Variants in OR56A3 observed in about 807,000 individuals in gnomAD.
The protein encoded by OR56A3 is olfactory receptor 56A3.
A neutral mutation model predicts 17.5 loss-of-function variants in OR56A3; 23 were observed. The observed-to-expected ratio is 1.32, with a 90% CI of 0.95 to 1.87. OR56A3 has a LOEUF of 1.87. OR56A3 is among the 40% of genes most tolerant of loss of function. The pLI, the probability that OR56A3 is intolerant of heterozygous loss-of-function variation, is 0.00. For synonymous variants in OR56A3, 175 were observed against 150.6 expected, an observed-to-expected ratio of 1.16 and a Z score of -1.19; for missense variants, 366 against 380.1, an observed-to-expected ratio of 0.96 and a Z score of 0.31.
At chr11:5,962,915 T>C in the OR56A3 span, among the ~76,000 whole-genome samples, 1 of 152,290 alleles carries the variant, frequency 6.6e-6, no homozygotes, top group South Asian at 2.1e-4. Flanking sequence ...TATTTCTTCA[T>C]AGGTTCCTGT....
At chr11:5,986,892 T>C in the OR56A3 span, 100 of 1,613,534 alleles carry the variant, frequency 6.2e-5, no homozygotes, top group Non-Finnish European at 7.5e-5. Context: ...GCATTATCAA[T>C]GGCTTGGAGA....
At chr11:6,015,774 AC>A in the OR56A3 span, among the ~76,000 whole-genome samples, 2 of 151,948 alleles carry the variant, frequency 1.3e-5, no homozygotes, top group Non-Finnish European at 2.9e-5. Context: ...TACTGCCTGT[AC>A]CCCCGTTGTA....
At chr11:5,945,485 G>A (rs1177218894) in intron 2 of OR56A3, among the ~76,000 whole-genome samples, 1 of 151,760 alleles carries the variant, frequency 6.6e-6, no homozygotes, top group Non-Finnish European at 1.5e-5. Flanking sequence ...TGGAGGCTGA[G>A]GCGGGAGAAT....
At position 5,947,335 on chromosome 11, in the gene OR56A3, A is replaced by G. The variant is rs756483348; in HGVS notation, c.-12A>G. On this transcript the variant is annotated 5_prime_UTR_variant, in exon 3 of 3. The change creates a new upstream start codon in the 5' untranslated region. Coordinates refer to ENST00000641160, the MANE Select transcript of OR56A3 (RefSeq NM_001003443.3). ...GATCACTGAAAGAAAGCAGTAAAATATATGGGAAAATATGACAACACACCG... is the reference window on the plus strand; with the variant it reads ...GATCACTGAAAGAAAGCAGTAAAATGTATGGGAAAATATGACAACACACCG... The G allele has an allele frequency of 1.2e-5, 19 of 1,567,340 alleles. No individual in the cohort carries two copies. Among genetic ancestry groups the G allele is most frequent in the Non-Finnish European group, 1.5e-5 (17 of 1,154,618 alleles).
At chr11:5,969,213 T>G in the OR56A3 span, among the ~76,000 whole-genome samples, 2 of 152,244 alleles carry the variant, frequency 1.3e-5, no homozygotes, top group Non-Finnish European at 2.9e-5. Context: ...TTATGCTGTT[T>G]TCATTAACAT....
At chr11:5,974,940 A>C in the OR56A3 span, among the ~76,000 whole-genome samples, 1 of 152,182 alleles carries the variant, frequency 6.6e-6, no homozygotes, top group Non-Finnish European at 1.5e-5. Context: ...TATGAAACTG[A>C]TTGATTTCTT....
the OR56A3 span, among the ~76,000 whole-genome samples, chr11:5,993,221 A>ATG: frequency 3.3e-5 from 5 of 152,214 alleles, no homozygotes; most frequent in Admixed American, 2.0e-4. Context: ...GAACTGGAGC[A>ATG]TGCTGGGTCT....
chr11:5,982,215 C>T, the OR56A3 span, among the ~76,000 whole-genome samples: 1 of 152,116 alleles, frequency 6.6e-6, no homozygotes, highest in African/African-American at 2.4e-5. Flanking sequence ...AGTGCAATGA[C>T]AGTGGTAGTT....
chr11:5,996,926 G>T, the OR56A3 span, among the ~76,000 whole-genome samples: 1 of 152,228 alleles, frequency 6.6e-6, no homozygotes, highest in South Asian at 2.1e-4. Flanking sequence ...GCAGGAAAGA[G>T]CACTGAGAGC....
the OR56A3 span, chr11:6,000,837 G>A: frequency 2.6e-5 from 4 of 152,268 alleles, no homozygotes; most frequent in South Asian, 8.3e-4. Flanking sequence ...AATATAGCAG[G>A]TCTGTAATAA....
chr11:5,956,188 G>A (rs1419747874), downstream of OR56A3, among the ~76,000 whole-genome samples: 1 of 152,192 alleles, frequency 6.6e-6, no homozygotes, highest in Non-Finnish European at 1.5e-5. Context: ...TGTATTTGAT[G>A]AATCCAATTT....
the OR56A3 span, among the ~76,000 whole-genome samples, chr11:6,008,466 C>G: frequency 3.3e-5 from 5 of 151,992 alleles, no homozygotes; most frequent in African/African-American, 1.2e-4. Flanking sequence ...ATATTCTTAT[C>G]CTCAGAATTT....
the OR56A3 span, among the ~76,000 whole-genome samples, chr11:6,018,446 CATT>C: frequency 5.3e-5 from 8 of 151,938 alleles, no homozygotes; most frequent in Non-Finnish European, 8.8e-5. Context: ...CCTAAATGAT[CATT>C]GAGTTAATGA....
the OR56A3 span, among the ~76,000 whole-genome samples, chr11:6,015,607 G>A: frequency 6.6e-5 from 10 of 152,246 alleles, no homozygotes; most frequent in African/African-American, 2.4e-4. Context: ...GGGCAGAGCT[G>A]TCCAAGGCCT....
the OR56A3 span, among the ~76,000 whole-genome samples, chr11:5,957,037 C>G: frequency 1.3e-5 from 2 of 152,172 alleles, no homozygotes; most frequent in Admixed American, 6.5e-5. Flanking sequence ...GCCTGTAATA[C>G]CAGCTACTCA....
the OR56A3 span, chr11:5,985,918 G>C: frequency 6.4e-7 from 1 of 1,571,300 alleles, no homozygotes; most frequent in Non-Finnish European, 8.6e-7. Context: ...GCCTCCGAAG[G>C]AAACAATGAG....
chr11:5,943,256 G>T (rs117874309), intron 1 of OR56A3: 2 of 152,210 alleles, frequency 1.3e-5, no homozygotes, highest in East Asian at 3.9e-4. Context: ...GTAATCCTCA[G>T]AAATTTCATC....
chr11:5,978,373 T>G, the OR56A3 span, among the ~76,000 whole-genome samples: 3 of 152,224 alleles, frequency 2.0e-5, no homozygotes, highest in Non-Finnish European at 4.4e-5. Context: ...TTATGTTGTC[T>G]CTAATTTCTT....
the OR56A3 span, among the ~76,000 whole-genome samples, chr11:6,018,653 C>T: frequency 4.6e-3 from 706 of 151,896 alleles, 2 homozygotes; most frequent in African/African-American, 0.015. Context: ...GTAGCAAAAA[C>T]ATGCAAAATC....
Sources: allele counts gnomAD v4.1 joint callset (sites outside exome capture counted in the v4.1 genomes callset), GRCh38; gene constraint gnomAD v4.1.1; transcripts MANE v1.5; gene names NCBI Gene and HGNC (gene_info 2026-07-23, HGNC 2026-07-21).